Variants in HIPK2 observed in about 807,000 individuals in gnomAD.
HIPK2 encodes the protein homeodomain-interacting protein kinase 2.
Under a neutral mutation model 113.7 loss-of-function variants are expected in HIPK2, and 27 were observed. That is an observed-to-expected ratio of 0.24 (90% CI 0.17 to 0.33). The LOEUF (loss-of-function observed/expected upper bound fraction) is 0.33, where lower values mean the gene tolerates loss of function less well. Among genes scored for constraint, HIPK2 ranks in the 10% least tolerant of loss-of-function variants. HIPK2 has a pLI of 1.00. For synonymous variants in HIPK2, 631 were observed against 642.2 expected, an observed-to-expected ratio of 0.98 and a Z score of 0.26; for missense variants, 1,257 against 1,588.0, an observed-to-expected ratio of 0.79 and a Z score of 3.54.
At chr7:139,715,124 C>G (rs1795184910) in intron 2 of HIPK2, among the ~76,000 whole-genome samples, 1 of 152,224 alleles carries the variant, frequency 6.6e-6, no homozygotes, top group South Asian at 2.1e-4. Context: ...CCAGATACCC[C>G]AGGATGGCAA....
chr7:139,769,638 G>A (rs190794643), intron 1 of HIPK2, among the ~76,000 whole-genome samples: 6 of 152,312 alleles, frequency 3.9e-5, no homozygotes, highest in Admixed American at 3.9e-4. Flanking sequence ...GCCTATTGCT[G>A]TTGTCTCTTT....
rs1029563082 is a variant in HIPK2 at position 139,683,477 on chromosome 7, C to T, written c.1103+32455G>A. 8.6e-5 allele frequency among the ~76,000 whole-genome samples: 13 copies of T among 152,004 alleles called. No homozygotes were observed. Among genetic ancestry groups the T allele is most frequent in the South Asian group, 2.1e-4 (1 of 4,830 alleles). ...GGCCTCCACAGGACTGCTCACAACA[C>T]GGGAGCCAAAGCGAGAAATACCAGA... is the stretch of plus-strand genomic sequence containing the variant. On this transcript the variant is annotated intron_variant, in intron 2 of 14. Coordinates refer to ENST00000406875, the MANE Select transcript of HIPK2 (RefSeq NM_022740.5). This position sits in a 1 kb window ranked among gnomAD's most constrained non-coding sequence, Gnocchi z 4.2.
At chr7:139,671,356 T>C (rs894170744) in intron 2 of HIPK2, among the ~76,000 whole-genome samples, 3 of 152,226 alleles carry the variant, frequency 2.0e-5, no homozygotes, top group African/African-American at 7.2e-5. Flanking sequence ...TGGTGAACTT[T>C]GTATTTACTG....
chr7:139,594,654 C>A (rs1025134469), intron 12 of HIPK2, among the ~76,000 whole-genome samples: 2 of 152,170 alleles, frequency 1.3e-5, no homozygotes, highest in African/African-American at 4.8e-5. Flanking sequence ...ATTCTGGGAG[C>A]TCCCAGTCAC....
intron 1 of HIPK2, among the ~76,000 whole-genome samples, chr7:139,740,000 C>G (rs925792575): frequency 9.2e-5 from 14 of 152,200 alleles, no homozygotes; most frequent in Non-Finnish European, 1.9e-4. Context: ...CGCTGCGATG[C>G]AACCATGTGG....
intron 2 of HIPK2, among the ~76,000 whole-genome samples, chr7:139,661,866 A>C (rs1412882351): frequency 3.0e-4 from 46 of 152,302 alleles, no homozygotes; most frequent in Non-Finnish European, 1.9e-4. Flanking sequence ...AACCCTTTTG[A>C]CAGCCACCTG....
intron 1 of HIPK2, among the ~76,000 whole-genome samples, chr7:139,719,798 T>C (rs1795354488): frequency 6.6e-6 from 1 of 152,256 alleles, no homozygotes; most frequent in African/African-American, 2.4e-5. Flanking sequence ...TTATTTCTGC[T>C]GTTGCTGCCA....
In HIPK2 at chr7:139,572,147, A is replaced by G. The variant is rs1368264445; in HGVS notation, c.*780T>C. 3 of 152,278 alleles carry G rather than the reference A, an allele frequency of 2.0e-5. No individual in the cohort carries two copies. The highest frequency in any genetic ancestry group is 2.9e-5 in the Non-Finnish European group (2 of 68,040). 9.4% of individuals were successfully genotyped at this position (152,278 alleles called of 1,614,324 possible). ...AAAAAACCTAAAGTTTGCAACACACATTATTAATGACATTTGAGAAACAAC... is the reference window on the plus strand; with the variant it reads ...AAAAAACCTAAAGTTTGCAACACACGTTATTAATGACATTTGAGAAACAAC... On this transcript the variant is annotated 3_prime_UTR_variant, in exon 15 of 15. Coordinates refer to ENST00000406875, the MANE Select transcript of HIPK2 (RefSeq NM_022740.5).
intron 6 of HIPK2, among the ~76,000 whole-genome samples, chr7:139,625,573 C>T (rs1356719880): frequency 1.3e-5 from 2 of 152,210 alleles, no homozygotes; most frequent in African/African-American, 2.4e-5. Context: ...ATGGTCCTGC[C>T]CATGGGGGAG....
At position 139,672,089 on chromosome 7, in the gene HIPK2, C is replaced by G. The variant is rs565645621; in HGVS notation, c.1104-40364G>C. 8.8e-3 allele frequency among the ~76,000 whole-genome samples: 182 copies of G among 20,614 alleles called. 3 individuals carry two copies. In the African/African-American group the frequency reaches 0.096, roughly 11 times the overall value. The allele number at this position is 20,614 out of a possible 152,430, so 13.5% of individuals were successfully genotyped here. Reference sequence around the variant, plus strand: ...AGTTTATGTCTATAGCTTACTCATTCATTGTTCAATATTTATCTAGTGACC... The same window carrying G: ...AGTTTATGTCTATAGCTTACTCATTGATTGTTCAATATTTATCTAGTGACC... On this transcript the variant is annotated intron_variant, in intron 2 of 14. Coordinates refer to ENST00000406875, the MANE Select transcript of HIPK2 (RefSeq NM_022740.5).
intron 13 of HIPK2, among the ~76,000 whole-genome samples, chr7:139,579,753 G>A (rs767475260): frequency 6.6e-5 from 10 of 152,182 alleles, no homozygotes; most frequent in Admixed American, 2.0e-4. Flanking sequence ...GTGAGCTGCC[G>A]CAGTGGGGAT....
intron 1 of HIPK2, among the ~76,000 whole-genome samples, chr7:139,717,958 G>C (rs1206229834): frequency 6.6e-6 from 1 of 152,006 alleles, no homozygotes; most frequent in African/African-American, 2.4e-5. Context: ...TGGCCAGCCT[G>C]GTCTCAAACT....
At position 139,631,411 on chromosome 7, in the gene HIPK2, A is replaced by G; in HGVS notation, c.1228-127T>C. On this transcript the variant is annotated intron_variant, in intron 3 of 14. Coordinates refer to ENST00000406875, the MANE Select transcript of HIPK2 (RefSeq NM_022740.5). The surrounding 1 kb of genome is among the most constrained non-coding windows in gnomAD (Gnocchi z 4.9). ...TTGTAGGGAAAGAAGTTAACAAAAA[A>G]GAGAAAAAAGAAAAAGGGAAAAGAG... 2 of 1,442,566 alleles carry G rather than the reference A, an allele frequency of 1.4e-6. No homozygotes were observed. The highest frequency in any genetic ancestry group is 2.8e-5 in the Admixed American group (1 of 36,130). 89.4% of individuals were successfully genotyped at this position (1,442,566 alleles called of 1,614,324 possible).
At chr7:139,600,685 G>C (rs919371069) in intron 10 of HIPK2, 89 bp from the exon 11 acceptor site, 7 of 1,422,916 alleles carry the variant, frequency 4.9e-6, no homozygotes, top group African/African-American at 2.8e-5. Context: ...CCAATTAAAC[G>C]CTGACTGCAG....
At chr7:139,624,086 T>C (rs1201458117) in intron 6 of HIPK2, among the ~76,000 whole-genome samples, 2 of 151,378 alleles carry the variant, frequency 1.3e-5, no homozygotes, top group African/African-American at 4.9e-5. Flanking sequence ...GCAGTGGCAC[T>C]ATCTCAGCTC....
rs547842960 is a variant in HIPK2, at chr7:139,683,211, G to A, written c.1103+32721C>T. Among the ~76,000 whole-genome samples, 7 of 152,170 alleles carry A rather than the reference G, an allele frequency of 4.6e-5. No individual in the cohort carries two copies. Among genetic ancestry groups the A allele is most frequent in the Admixed American group, 1.3e-4 (2 of 15,276 alleles). ...TGCTTCATGCTTAACTATATAACAC[G>A]CGTGCCACACACGAGGATAAAAATG... On this transcript the variant is annotated intron_variant, in intron 2 of 14. Transcript: ENST00000406875. This position sits in a 1 kb window ranked among gnomAD's most constrained non-coding sequence, Gnocchi z 4.2.
Position 139,568,749 on chromosome 7 carries a change from C to T in HIPK2, c.*4178G>A, listed in dbSNP as rs970447719. 9 of 152,250 alleles carry T rather than the reference C, an allele frequency of 5.9e-5. No homozygotes were observed. Among genetic ancestry groups the T allele is most frequent in the East Asian group, 1.9e-4 (1 of 5,200 alleles). The allele number at this position is 152,250 out of a possible 1,614,324, so 9.4% of individuals were successfully genotyped here. On this transcript the variant is annotated 3_prime_UTR_variant, in exon 15 of 15. Coordinates refer to ENST00000406875, the MANE Select transcript of HIPK2 (RefSeq NM_022740.5). ...TGCTAAGGTGACTCAATGGCAGATT[C>T]GGCCAGGTATGCAATTGGGCATCCA...
intron 1 of HIPK2, among the ~76,000 whole-genome samples, chr7:139,772,613 A>T (rs971941319): frequency 6.6e-6 from 1 of 151,702 alleles, no homozygotes. Flanking sequence ...ATTGAGAAAG[A>T]CTCTCGCTCC....
chr7:139,644,439 C>A (rs1280700001), intron 2 of HIPK2, among the ~76,000 whole-genome samples: 1 of 152,226 alleles, frequency 6.6e-6, no homozygotes, highest in Non-Finnish European at 1.5e-5. Flanking sequence ...TGGCAGCCCC[C>A]ATGCCTCGCT....
Sources: gnomAD v4.1 joint callset for allele counts (sites outside exome capture counted in the v4.1 genomes callset) on GRCh38, gnomAD v4.1.1 for gene constraint, Gnocchi (gnomAD v3.1) non-coding constraint, MANE v1.5 for transcripts, NCBI Gene and HGNC (gene_info 2026-07-23, HGNC 2026-07-21) for gene names.